HECW2: variants seen among roughly 807,000 people sequenced by gnomAD.
The protein encoded by HECW2 is E3 ubiquitin-protein ligase HECW2.
HECW2 carries 61 observed loss-of-function variants against 175.2 expected under a neutral mutation model. That is an observed-to-expected ratio of 0.35 (90% CI 0.28 to 0.43). The LOEUF (loss-of-function observed/expected upper bound fraction) is 0.43, where lower values mean the gene tolerates loss of function less well. Among genes scored for constraint, HECW2 ranks in the 20% least tolerant of loss-of-function variants. The pLI, the probability that HECW2 is intolerant of heterozygous loss-of-function variation, is 1.00. For missense variants in HECW2, 1,524 were observed against 2,000.5 expected (o/e 0.76, Z 4.54); for synonymous variants, 671 against 731.0 (o/e 0.92, Z 1.32).
chr2:196,202,536 A>G (rs1306787468), intron 28 of HECW2, among the ~76,000 whole-genome samples: 1 of 152,208 alleles, frequency 6.6e-6, no homozygotes, highest in Non-Finnish European at 1.5e-5. Flanking sequence ...ATTAAGTGAA[A>G]TAACAGAAAC....
chr2:196,307,576 G>A (rs945765973), intron 11 of HECW2, among the ~76,000 whole-genome samples: 10 of 152,082 alleles, frequency 6.6e-5, no homozygotes, highest in Non-Finnish European at 1.0e-4. Context: ...AAAAGCTTAG[G>A]TTGATAATAA....
chr2:196,408,416 C>T (rs763559505), intron 2 of HECW2, among the ~76,000 whole-genome samples: 10 of 152,152 alleles, frequency 6.6e-5, no homozygotes, highest in African/African-American at 1.4e-4. Flanking sequence ...TAGGGTCGTT[C>T]CCAGCTCTAA....
intron 2 of HECW2, among the ~76,000 whole-genome samples, chr2:196,348,595 C>T (rs1175748785): frequency 1.3e-5 from 2 of 152,064 alleles, no homozygotes; most frequent in Non-Finnish European, 2.9e-5. Flanking sequence ...CTGCAGTGAG[C>T]CACGATTGCA....
In HECW2 at chr2:196,227,499, T is replaced by G. The variant is rs78023621; in HGVS notation, c.3917+603A>C. ...AGGGAGGCAACACCTGGTTACAAAC[T>G]TCAAATGGCTAATACGGTAAGTGGC... is the stretch of plus-strand genomic sequence containing the variant. On this transcript the variant is annotated intron_variant, in intron 22 of 28. Transcript: ENST00000644978. 1.0e-3 allele frequency among the ~76,000 whole-genome samples: 152 copies of G among 152,318 alleles called. 2 individuals carry two copies. In the East Asian group the frequency reaches 0.028, roughly 28 times the overall value.
At chr2:196,297,089 G>A (rs762056469) in intron 13 of HECW2, among the ~76,000 whole-genome samples, 1 of 152,190 alleles carries the variant, frequency 6.6e-6, no homozygotes, top group Admixed American at 6.5e-5. Flanking sequence ...ATAATGAACA[G>A]AATTCACCTG....
At chr2:196,349,708 T>C (rs1693102187) in intron 2 of HECW2, among the ~76,000 whole-genome samples, 1 of 152,202 alleles carries the variant, frequency 6.6e-6, no homozygotes, top group Non-Finnish European at 1.5e-5. Flanking sequence ...TTAGTTATGT[T>C]AATTCTGCTT....
At chr2:196,425,605 G>A (rs1048122455) in intron 2 of HECW2, among the ~76,000 whole-genome samples, 6 of 152,256 alleles carry the variant, frequency 3.9e-5, no homozygotes, top group Admixed American at 2.0e-4. Context: ...CACTGTAAAT[G>A]TGGTAGAAAT....
chr2:196,243,678 C>G (rs553698124), intron 19 of HECW2, among the ~76,000 whole-genome samples: 1 of 152,132 alleles, frequency 6.6e-6, no homozygotes, highest in East Asian at 1.9e-4. Flanking sequence ...CTCCTGAGTT[C>G]AAGCGATTCT....
In HECW2 at chr2:196,329,581, A is replaced by G. The variant is rs755681680; in HGVS notation, c.565T>C (p.Leu189=). ...CGTTTAAAGACATTCTTACCTGACA[A>G]TGTAAAGCTAACAAGTTTTCGAGAA... ...LHSRKLVSFT[L]SDLRAVGLKK... is the part of the protein sequence containing the mutation. The change falls in exon 5 of 29, where the codon TTG becomes CTG. Residue 189 remains leucine (L), a synonymous_variant. Transcript: ENST00000644978. 6 of 1,612,896 alleles carry G rather than the reference A, an allele frequency of 3.7e-6. No individual in the cohort carries two copies. Among genetic ancestry groups the G allele is most frequent in the South Asian group, 2.2e-5 (2 of 91,062 alleles).
At chr2:196,477,125 G>GT (rs1686661095) in intron 1 of HECW2, among the ~76,000 whole-genome samples, 1 of 148,006 alleles carries the variant, frequency 6.8e-6, no homozygotes, top group East Asian at 2.0e-4. Flanking sequence ...TGTAGGTGAG[G>GT]TTTTTTCCCT....
chr2:196,552,458 A>G (rs1182899463), intron 1 of HECW2, among the ~76,000 whole-genome samples: 1 of 152,214 alleles, frequency 6.6e-6, no homozygotes, highest in East Asian at 1.9e-4. Context: ...TCTCACTCAC[A>G]GAAGATGACC....
chr2:196,261,056 G>A (rs1016159723), intron 17 of HECW2, among the ~76,000 whole-genome samples: 9 of 152,072 alleles, frequency 5.9e-5, no homozygotes, highest in African/African-American at 1.7e-4. Flanking sequence ...TTAAAGGGAC[G>A]GCGAACACAC....
intron 2 of HECW2, among the ~76,000 whole-genome samples, chr2:196,397,778 T>C (rs1694711155): frequency 6.6e-6 from 1 of 152,246 alleles, no homozygotes; most frequent in South Asian, 2.1e-4. Context: ...ACTGTTTAGA[T>C]ATCATTTCCT....
rs538777739 is a variant in HECW2, at chr2:196,355,055, A to T, written c.293-11291T>A. 2.0e-5 allele frequency among the ~76,000 whole-genome samples: 3 copies of T among 152,374 alleles called. No individual in the cohort carries two copies. The South Asian group carries it at 6.2e-4, about 32-fold the overall frequency. On this transcript the variant is annotated intron_variant, in intron 2 of 28. Transcript: ENST00000644978. ...GATAATGCTCAAATGGAAAATTACT[A>T]AAGGCTTACTTACATCAAACAAGAA... is the stretch of plus-strand genomic sequence containing the variant.
chr2:196,504,937 TG>T (rs1278922925), intron 1 of HECW2, among the ~76,000 whole-genome samples: 3 of 151,954 alleles, frequency 2.0e-5, no homozygotes, highest in Admixed American at 6.6e-5. Flanking sequence ...AAGACCACAA[TG>T]CTAAAAATAT....
intron 2 of HECW2, among the ~76,000 whole-genome samples, chr2:196,384,427 T>A (rs1362881171): frequency 6.6e-6 from 1 of 151,872 alleles, no homozygotes; most frequent in Non-Finnish European, 1.5e-5. Flanking sequence ...CAAAAAAATT[T>A]AAAAATTAAC....
At chr2:196,478,647 T>G (rs928828084) in intron 1 of HECW2, among the ~76,000 whole-genome samples, 2 of 151,794 alleles carry the variant, frequency 1.3e-5, no homozygotes, top group Non-Finnish European at 2.9e-5. Context: ...TTAAAAAAAG[T>G]ATGTCAAAAG....
chr2:196,527,085 C>G (rs930146351), intron 1 of HECW2, among the ~76,000 whole-genome samples: 1 of 152,216 alleles, frequency 6.6e-6, no homozygotes, highest in Non-Finnish European at 1.5e-5. Context: ...GCCTTGCTGC[C>G]GCCTTGCAGT....
At chr2:196,394,884 C>T (rs542135307) in intron 2 of HECW2, among the ~76,000 whole-genome samples, 18 of 152,146 alleles carry the variant, frequency 1.2e-4, no homozygotes, top group Admixed American at 1.2e-3. Flanking sequence ...AAACAATAAA[C>T]CTTTATTTCT....
Sources: gnomAD v4.1 joint callset for allele counts (sites outside exome capture counted in the v4.1 genomes callset) on GRCh38, gnomAD v4.1.1 for gene constraint, MANE v1.5 for transcripts, NCBI Gene and HGNC (gene_info 2026-07-23, HGNC 2026-07-21) for gene names.